WNK2: variants seen among roughly 807,000 people sequenced by gnomAD.
WNK2 encodes serine/threonine-protein kinase WNK2.
In WNK2, 67 loss-of-function variants were observed where a neutral mutation model predicts 192.1. That is an observed-to-expected ratio of 0.35 (90% CI 0.29 to 0.43). The LOEUF is 0.43. WNK2 is among the 20% of genes least tolerant of loss of function. The pLI is 1.00. For missense variants in WNK2, 2,698 were observed against 3,089.7 expected (o/e 0.87, Z 3.01); for synonymous variants, 1,439 against 1,393.9 (o/e 1.03, Z -0.72).
intron 23 of WNK2, among the ~76,000 whole-genome samples, chr9:93,297,632 T>A (rs781061015): frequency 3.9e-5 from 6 of 152,248 alleles, no homozygotes; most frequent in Non-Finnish European, 5.9e-5. Context: ...GGCACGTCGA[T>A]GCCAGAGGCC....
At chr9:93,203,399 G>C (rs543886809) in intron 2 of WNK2, among the ~76,000 whole-genome samples, 6 of 152,296 alleles carry the variant, frequency 3.9e-5, no homozygotes, top group Non-Finnish European at 8.8e-5. Context: ...TGAGTGAGGA[G>C]GTTTCAGATT....
At chr9:93,299,458 A>G (rs555952290) in intron 25 of WNK2, among the ~76,000 whole-genome samples, 197 bp downstream of exon 25, 2 of 152,224 alleles carry the variant, frequency 1.3e-5, no homozygotes, top group South Asian at 4.1e-4. Context: ...TCCACCACCA[A>G]GTCTTGCTTG....
rs568884073 is a variant in WNK2, at chr9:93,267,892, C to G, written c.3843C>G (p.Ser1281Arg). Residue 1281 changes from serine (S) to arginine (R), a missense_variant, in exon 17 of 30, where the codon AGC becomes AGG. Coordinates refer to ENST00000427277, the MANE Select transcript of WNK2 (RefSeq NM_006648.4). ...SDPGTSPPHL[S>R]TCGLGTGEES... Reference sequence around the variant, plus strand: ...CAGGGACCAGCCCGCCACACCTCAGCACCTGCGGCCTGGGCACCGGGGAGG... The same window carrying G: ...CAGGGACCAGCCCGCCACACCTCAGGACCTGCGGCCTGGGCACCGGGGAGG... The G allele has an allele frequency of 1.2e-6, 2 of 1,612,594 alleles. No homozygotes were observed. Among genetic ancestry groups the G allele is most frequent in the South Asian group, 2.2e-5 (2 of 90,768 alleles).
intron 2 of WNK2, among the ~76,000 whole-genome samples, chr9:93,199,837 T>C (rs1021562887): frequency 1.4e-5 from 2 of 145,810 alleles, no homozygotes; most frequent in Non-Finnish European, 3.0e-5. Flanking sequence ...AGGCAGAGCT[T>C]GCAGTGAGCC....
chr9:93,266,361 G>T (rs141994709), intron 16 of WNK2, among the ~76,000 whole-genome samples: 1 of 152,170 alleles, frequency 6.6e-6, no homozygotes, highest in African/African-American at 2.4e-5. Flanking sequence ...TTTAATTGGC[G>T]TGGATTCTAA....
chr9:93,286,646 A>G (rs1451611874), intron 19 of WNK2, among the ~76,000 whole-genome samples: 1 of 152,232 alleles, frequency 6.6e-6, no homozygotes. Context: ...ATGATCCAGC[A>G]ATCCCACTGC....
At chr9:93,287,564 A>G (rs1283876818) in intron 19 of WNK2, among the ~76,000 whole-genome samples, 1 of 152,194 alleles carries the variant, frequency 6.6e-6, no homozygotes, top group Non-Finnish European at 1.5e-5. Flanking sequence ...ATGTTTAGAC[A>G]GACGAACGGT....
At chr9:93,269,338 G>C (rs1845696752) in intron 19 of WNK2, among the ~76,000 whole-genome samples, 2 of 152,212 alleles carry the variant, frequency 1.3e-5, no homozygotes, top group Admixed American at 1.3e-4. Flanking sequence ...TTCCTTACCA[G>C]TTGGCAGGGG....
Position 93,308,205 on chromosome 9 carries a change from G to T in WNK2, c.6260-123G>T. ...TAATCCGACCGCCTCTTGAAGCAAG[G>T]TGCTGCCTGGCCCAAGTGAGACCAT... On this transcript the variant is annotated intron_variant, in intron 27 of 29. Coordinates refer to ENST00000427277, the MANE Select transcript of WNK2 (RefSeq NM_006648.4). 3 of 1,453,840 alleles carry T rather than the reference G, an allele frequency of 2.1e-6. No homozygotes were observed. In the South Asian group the frequency reaches 4.4e-5, roughly 21 times the overall value. 90.1% of individuals were successfully genotyped at this position (1,453,840 alleles called of 1,614,324 possible).
In WNK2 at chr9:93,292,945, C is replaced by A; in HGVS notation, c.5480C>A (p.Pro1827His). The A allele has an allele frequency of 6.5e-7, 1 of 1,533,452 alleles. No homozygotes were observed. 95.0% of individuals were successfully genotyped at this position (1,533,452 alleles called of 1,614,324 possible). Residue 1827 changes from proline to histidine, a missense_variant, in exon 23 of 30, where the codon CCC becomes CAC. By Grantham distance (77) the Pro-to-His change is moderately conservative. This residue lies in a region of WNK2 where 1,098 missense variants were observed against 1,101.0 expected (regional missense o/e 1.00). Coordinates refer to ENST00000427277, the MANE Select transcript of WNK2 (RefSeq NM_006648.4). ...RPPVQKQASLPVSGSVAGDFV... is the reference protein window; with the variant it reads ...RPPVQKQASLHVSGSVAGDFV... The stretch of plus-strand genomic sequence containing the variant: ...CCGGTGCAGAAGCAGGCGTCCCTGC[C>A]CGTGAGTGGCAGCGTGGCTGGCGAC...
chr9:93,299,094 G>A lies in WNK2; in HGVS notation c.5948G>A (p.Gly1983Asp), dbSNP rs1249539778. The change falls in exon 25 of 30, where the codon GGC becomes GAC. Residue 1983 changes from glycine to aspartate, a missense_variant. Physicochemically the swap from Gly to Asp is moderately conservative, Grantham distance 94. Coordinates refer to ENST00000427277, the MANE Select transcript of WNK2 (RefSeq NM_006648.4). ...STGHLADSSR[G>D]PPAKDPAQAS... is the part of the protein sequence containing the mutation. ...GGTCACTTGGCTGACTCCAGCAGAG[G>A]CCCTCCCGCTAAGGACCCTGCCCAA... 5 of 1,610,642 alleles carry A rather than the reference G, an allele frequency of 3.1e-6. No individual in the cohort carries two copies. The highest frequency in any genetic ancestry group is 4.2e-6 in the Non-Finnish European group (5 of 1,179,516).
rs371815944 is a variant in WNK2, at chr9:93,289,859, C to T, written c.4867-119C>T. On this transcript the variant is annotated intron_variant, in intron 20 of 29. Coordinates refer to ENST00000427277, the MANE Select transcript of WNK2 (RefSeq NM_006648.4). ...TGACTCAGCCCCATCCATGCACACA[C>T]AGGGGCTGGGGCAGCCCAGGGGCAG... 753 of 1,064,490 alleles carry T rather than the reference C, an allele frequency of 7.1e-4. 2 individuals carry two copies. The African/African-American group carries it at 0.011, about 15-fold the overall frequency. 65.9% of individuals were successfully genotyped at this position (1,064,490 alleles called of 1,614,324 possible). A position where few individuals can be genotyped will look rare whatever the true frequency, so the allele number is the denominator to read the frequency against.
intron 2 of WNK2, among the ~76,000 whole-genome samples, chr9:93,218,914 G>C (rs544086436): frequency 1.4e-4 from 21 of 152,222 alleles, no homozygotes; most frequent in Non-Finnish European, 2.9e-4. Context: ...TGGGGAGCCT[G>C]GATGTGACAG....
In WNK2 at chr9:93,306,758, G is replaced by A. The variant is rs749157387; in HGVS notation, c.6215-19G>A. On this transcript the variant is annotated intron_variant, in intron 26 of 29. Transcript: ENST00000427277. ...CTGCCTAACCCTGTGGTCTTGTGTC[G>A]TTTCTTTTTCCCTTGCAGGGTCTGC... 204 of 1,613,934 alleles carry A rather than the reference G, an allele frequency of 1.3e-4. 1 individual carries two copies. The highest frequency in any genetic ancestry group is 6.7e-4 in the Admixed American group (40 of 60,014).
At chr9:93,265,365 A>G (rs1030828532) in intron 16 of WNK2, among the ~76,000 whole-genome samples, 1 of 152,114 alleles carries the variant, frequency 6.6e-6, no homozygotes, top group African/African-American at 2.4e-5. Flanking sequence ...GCTTTGTTCA[A>G]CCTCAAAGGT....
chr9:93,302,942 A>G (rs117666303), intron 26 of WNK2, among the ~76,000 whole-genome samples: 5,050 of 150,738 alleles, frequency 0.034, 123 homozygotes, highest in Non-Finnish European at 0.049. Flanking sequence ...TTTTTGAGAC[A>G]AAGTCTGGCT....
At position 93,257,718 on chromosome 9, in the gene WNK2, A is replaced by G. The variant is rs1429655990; in HGVS notation, c.2382+579A>G. 6.6e-6 allele frequency among the ~76,000 whole-genome samples: 1 copy of G among 152,216 alleles called. No individual in the cohort carries two copies. The highest frequency in any genetic ancestry group is 2.4e-5 in the African/African-American group (1 of 41,458). On this transcript the variant is annotated intron_variant, in intron 11 of 29. Transcript: ENST00000427277. This position sits in a 1 kb window ranked among gnomAD's most constrained non-coding sequence, Gnocchi z 4.7. ...GGCATGTGGCTCCTCGGAGTTCCAA[A>G]GCCAGCCTGTGGCATTGCTGACTGC...
chr9:93,293,258 C>T, intron 23 of WNK2, 85 bp downstream of exon 23: 3 of 1,323,062 alleles, frequency 2.3e-6, no homozygotes, highest in Non-Finnish European at 2.9e-6. Flanking sequence ...GGTGCCGGGG[C>T]TGAAGTCCTG....
At chr9:93,297,612 C>T (rs576175376) in intron 23 of WNK2, among the ~76,000 whole-genome samples, 17 of 152,332 alleles carry the variant, frequency 1.1e-4, no homozygotes, top group Non-Finnish European at 1.5e-4. Context: ...TAGCCTGGCC[C>T]GTGCTGTTGG....
Sources: gnomAD v4.1 joint callset for allele counts (sites outside exome capture counted in the v4.1 genomes callset) on GRCh38, gnomAD v4.1.1 for gene constraint, gnomAD v4.1.1 regional missense constraint, Gnocchi (gnomAD v3.1) non-coding constraint, MANE v1.5 for transcripts, NCBI Gene and HGNC (gene_info 2026-07-23, HGNC 2026-07-21) for gene names.